The following TGFBR2 variants were observed in gnomAD, a reference collection of about 807,000 sequenced individuals.
TGFBR2 encodes the protein TGF-beta receptor type-2.
Under a neutral mutation model 49.0 loss-of-function variants are expected in TGFBR2, and 18 were observed. The observed-to-expected ratio is 0.37, with a 90% CI of 0.25 to 0.54. The LOEUF (loss-of-function observed/expected upper bound fraction) is 0.54, where lower values mean the gene tolerates loss of function less well. Among genes scored for constraint, TGFBR2 ranks in the 20% least tolerant of loss-of-function variants. TGFBR2 has a pLI of 0.85. For synonymous variants in TGFBR2, 282 were observed against 275.9 expected (o/e 1.02, Z -0.22); for missense variants, 525 against 722.6 (o/e 0.73, Z 3.13).
rs1385044767 is a variant in TGFBR2, at chr3:30,672,744, C to G, written c.1254+307C>G. 6.6e-6 allele frequency among the ~76,000 whole-genome samples: 1 copy of G among 152,148 alleles called. No homozygotes were observed. The highest frequency in any genetic ancestry group is 1.5e-5 in the Non-Finnish European group (1 of 68,036). On this transcript the variant is annotated intron_variant, in intron 4 of 6. Coordinates refer to ENST00000295754, the MANE Select transcript of TGFBR2 (RefSeq NM_003242.6). This position sits in a 1 kb window ranked among gnomAD's most constrained non-coding sequence, Gnocchi z 4.5. Reference sequence around the variant, plus strand: ...TTCTTTGTTTCAAGCACTGTTAGTACTTTACCTCTATTTTTTCCCTCTCTT... The same window carrying G: ...TTCTTTGTTTCAAGCACTGTTAGTAGTTTACCTCTATTTTTTCCCTCTCTT...
Position 30,606,705 on chromosome 3 carries a change from C to A in TGFBR2, c.-179C>A. 2.4e-6 allele frequency: 1 copy of A among 409,598 alleles called. No individual in the cohort carries two copies. Among genetic ancestry groups the A allele is most frequent in the Non-Finnish European group, 4.2e-6 (1 of 238,572 alleles). 25.4% of individuals were successfully genotyped at this position (409,598 alleles called of 1,614,324 possible). ...GGCCGCCGGGGGCCTCCCCGCGCCT[C>A]GCCGGCCTCCAGGCCCCCTCCTGGC... On this transcript the variant is annotated 5_prime_UTR_variant, in exon 1 of 7. Transcript: ENST00000295754.
rs1261812186 is a variant in TGFBR2, at chr3:30,676,263, C to T, written c.1396+2017C>T. Among the ~76,000 whole-genome samples, 1 of 152,100 alleles carries T rather than the reference C, an allele frequency of 6.6e-6. No homozygotes were observed. Among genetic ancestry groups the T allele is most frequent in the East Asian group, 1.9e-4 (1 of 5,188 alleles). On this transcript the variant is annotated intron_variant, in intron 5 of 6. Transcript: ENST00000295754. This position sits in a 1 kb window ranked among gnomAD's most constrained non-coding sequence, Gnocchi z 4.3. Reference sequence around the variant, plus strand: ...TTTGTCCATTTGTAAGTAATACATGCCTTTGACCTGTTTCTAAAGATACTA... The same window carrying T: ...TTTGTCCATTTGTAAGTAATACATGTCTTTGACCTGTTTCTAAAGATACTA...
chr3:30,691,552 T>A lies in TGFBR2; in HGVS notation c.1657T>A (p.Ser553Thr), dbSNP rs112215250. ...GGACAGGCTCTCGGGGAGGAGCTGC[T>A]CGGAGGAGAAGATTCCTGAAGACGG... Reference protein sequence around the residue: ...HLDRLSGRSCSEEKIPEDGSL... With the variant: ...HLDRLSGRSCTEEKIPEDGSL... Residue 553 changes from serine (S) to threonine (T), a missense_variant, in exon 7 of 7, where the codon TCG (serine) becomes ACG (threonine). Ser to Thr is a moderately conservative substitution (Grantham distance 58). Coordinates refer to ENST00000295754, the MANE Select transcript of TGFBR2 (RefSeq NM_003242.6). The A allele has an allele frequency of 1.1e-3, 1,771 of 1,613,948 alleles. 18 individuals carry two copies. Among genetic ancestry groups the A allele is most frequent in the Non-Finnish European group, 4.3e-4 (504 of 1,179,996 alleles).
chr3:30,617,210 T>A (rs1431089703), intron 1 of TGFBR2, among the ~76,000 whole-genome samples: 1 of 152,218 alleles, frequency 6.6e-6, no homozygotes, highest in Non-Finnish European at 1.5e-5. Context: ...GTTTTCAGAC[T>A]GCTGTTTTAG....
At chr3:30,639,797 T>G (rs903023718) in intron 1 of TGFBR2, among the ~76,000 whole-genome samples, 1 of 152,196 alleles carries the variant, frequency 6.6e-6, no homozygotes, top group African/African-American at 2.4e-5. Context: ...GATACATGAA[T>G]TCAATGATAC....
At chr3:30,647,768 C>G (rs1158130853) in intron 2 of TGFBR2, among the ~76,000 whole-genome samples, 1 of 152,086 alleles carries the variant, frequency 6.6e-6, no homozygotes, top group Non-Finnish European at 1.5e-5. Context: ...CCTCTGCCTC[C>G]CGGGTTCGTG....
intron 5 of TGFBR2, among the ~76,000 whole-genome samples, chr3:30,684,756 T>A (rs944664502): frequency 6.6e-6 from 1 of 152,210 alleles, no homozygotes; most frequent in Admixed American, 6.5e-5. Flanking sequence ...TTAGGAAAAG[T>A]AGGAAGTAAC....
At chr3:30,655,320 C>G (rs751067223) in intron 3 of TGFBR2, among the ~76,000 whole-genome samples, 2 of 152,128 alleles carry the variant, frequency 1.3e-5, no homozygotes, top group African/African-American at 4.8e-5. Context: ...ATAAACTGAG[C>G]ATTTGGATAC....
At chr3:30,607,129 C>G in intron 1 of TGFBR2, 152 bp downstream of exon 1, 2 of 634,958 alleles carry the variant, frequency 3.1e-6, no homozygotes, top group South Asian at 1.9e-5. Flanking sequence ...GCCCGACTCC[C>G]GTAGCTGCAG....
intron 1 of TGFBR2, among the ~76,000 whole-genome samples, chr3:30,614,649 A>G (rs972745361): frequency 5.9e-5 from 9 of 152,320 alleles, no homozygotes; most frequent in African/African-American, 2.2e-4. Context: ...AGGTCTTGCT[A>G]CTGCACGGAT....
At chr3:30,640,880 C>G (rs1195764506) in intron 1 of TGFBR2, among the ~76,000 whole-genome samples, 3 of 152,112 alleles carry the variant, frequency 2.0e-5, no homozygotes, top group Non-Finnish European at 2.9e-5. Flanking sequence ...ATCTTTATTC[C>G]TAGCTATGCA....
At chr3:30,636,131 G>A (rs1479007915) in intron 1 of TGFBR2, among the ~76,000 whole-genome samples, 2 of 150,138 alleles carry the variant, frequency 1.3e-5, no homozygotes, top group African/African-American at 4.9e-5. Flanking sequence ...ATGGTAGGTA[G>A]TTTCAGTGTG....
chr3:30,619,189 G>A (rs755317432), intron 1 of TGFBR2, among the ~76,000 whole-genome samples: 1 of 151,990 alleles, frequency 6.6e-6, no homozygotes, highest in Non-Finnish European at 1.5e-5. Context: ...GAAAAGTTAC[G>A]CAAAATCTAT....
At chr3:30,612,792 A>G (rs1298640527) in intron 1 of TGFBR2, among the ~76,000 whole-genome samples, 1 of 152,200 alleles carries the variant, frequency 6.6e-6, no homozygotes, top group Middle Eastern at 3.2e-3. Flanking sequence ...TTTATCCAAC[A>G]TAACAAAGAA....
intron 1 of TGFBR2, among the ~76,000 whole-genome samples, chr3:30,617,049 T>A (rs11129420): frequency 0.65 from 98,015 of 151,742 alleles, 33,150 homozygotes; most frequent in East Asian, 0.89. Flanking sequence ...GCCTAGGAGA[T>A]GTAAAGCCTA....
rs73052844 is a variant in TGFBR2 at position 30,609,962 on chromosome 3, G to T, written c.94+2985G>T. Among the ~76,000 whole-genome samples the T allele has an allele frequency of 9.0e-3, 1,367 of 152,164 alleles. 6 individuals carry two copies. The highest frequency in any genetic ancestry group is 0.014 in the Non-Finnish European group (961 of 68,006). On this transcript the variant is annotated intron_variant, in intron 1 of 6. Transcript: ENST00000295754. ...GTAGCATTCCCTAATGATGACTGTT[G>T]TCTATGTAGTCAACATAACTACTAC... is the stretch of plus-strand genomic sequence containing the variant.
At chr3:30,606,585 T>A (rs1310294304), upstream of TGFBR2, 1 of 325,128 alleles carries the variant, frequency 3.1e-6, no homozygotes, top group African/African-American at 2.1e-5. Context: ...AGCGCTGAGT[T>A]GAAGTTGAGT....
At chr3:30,653,088 C>A (rs917482060) in intron 3 of TGFBR2, among the ~76,000 whole-genome samples, 4 of 152,108 alleles carry the variant, frequency 2.6e-5, no homozygotes, top group African/African-American at 9.7e-5. Context: ...TCAGAGTCTT[C>A]TAAAATGCTC....
chr3:30,662,166 T>A (rs960752953), intron 3 of TGFBR2, among the ~76,000 whole-genome samples: 1 of 152,194 alleles, frequency 6.6e-6, no homozygotes, highest in Non-Finnish European at 1.5e-5. Flanking sequence ...TTTGACTTAA[T>A]GTAAAGAATA....
Sources: gnomAD v4.1 joint callset for allele counts (sites outside exome capture counted in the v4.1 genomes callset) on GRCh38, gnomAD v4.1.1 for gene constraint, Gnocchi (gnomAD v3.1) non-coding constraint, MANE v1.5 for transcripts, NCBI Gene and HGNC (gene_info 2026-07-23, HGNC 2026-07-21) for gene names.